CHDH: variants seen among roughly 807,000 people sequenced by gnomAD.
CHDH encodes the protein choline dehydrogenase, mitochondrial.
In CHDH, 43 loss-of-function variants were observed where a neutral mutation model predicts 56.9. The observed-to-expected ratio is 0.76, with a 90% CI of 0.59 to 0.97. CHDH has a LOEUF of 0.97. CHDH is among the 50% of genes least tolerant of loss of function. The pLI is 0.00. For missense variants in CHDH, 816 were observed against 821.1 expected (o/e 0.99, Z 0.08); for synonymous variants, 364 against 348.5 (o/e 1.04, Z -0.50).
chr3:53,827,008 G>A (rs1175820115), intron 2 of CHDH, among the ~76,000 whole-genome samples: 1 of 152,130 alleles, frequency 6.6e-6, no homozygotes, highest in Admixed American at 6.5e-5. Flanking sequence ...CCCCAGGCTG[G>A]GTGCAGTGGC....
At chr3:53,818,512 C>T (rs2095619955) in intron 8 of CHDH, among the ~76,000 whole-genome samples, 1 of 152,216 alleles carries the variant, frequency 6.6e-6, no homozygotes. Flanking sequence ...GGGCTGTGAG[C>T]ACCCTGCAGC....
chr3:53,823,531 A>G lies in CHDH; in HGVS notation c.478T>C (p.Tyr160His). Reference sequence around the variant, plus strand: ...CGGAAGTAGGGCAGGCAGTGCGCGTAGTCCCAGCCGCGGGCGCCCTGGCGC... The same window carrying G: ...CGGAAGTAGGGCAGGCAGTGCGCGTGGTCCCAGCCGCGGGCGCCCTGGCGC... ...WQRQGARGWD[Y>H]AHCLPYFRKA... Residue 160 changes from tyrosine (Y) to histidine (H), a missense_variant, in exon 3 of 9, where the codon TAC becomes CAC. Physicochemically the swap from Tyr to His is moderately conservative, Grantham distance 83. Transcript: ENST00000315251. 6.5e-7 allele frequency: 1 copy of G among 1,542,532 alleles called. No homozygotes were observed. The highest frequency in any genetic ancestry group is 8.7e-7 in the Non-Finnish European group (1 of 1,146,054).
chr3:53,817,807 G>C lies in CHDH; in HGVS notation c.1755C>G (p.Tyr585Ter). The stretch of plus-strand genomic sequence containing the variant: ...GCTGGGTGGCCAGCGTCCTGGGCTT[G>C]TAGACAGGGACATCTTTGTCCCAGA... ...PALWDKDVPVYKPRTLATQR is the reference protein window; with the variant it reads ...PALWDKDVPV The change falls in exon 9 of 9, where the codon TAC becomes TAG. Residue 585 changes from tyrosine (Y) to a stop codon, truncating the protein, a stop_gained. Transcript: ENST00000315251. LOFTEE classifies it high-confidence loss of function. The C allele has an allele frequency of 1.2e-6, 2 of 1,612,248 alleles. No homozygotes were observed.
At chr3:53,827,770 C>T (rs1325512453) in intron 2 of CHDH, among the ~76,000 whole-genome samples, 5 of 152,156 alleles carry the variant, frequency 3.3e-5, no homozygotes, top group Non-Finnish European at 5.9e-5. Flanking sequence ...ATTTCATGTT[C>T]GCAAATTGGA....
rs2106959812 is a variant in CHDH, at chr3:53,821,692, C to T, written c.940G>A (p.Asp314Asn). The change falls in exon 5 of 9, where the codon GAT (aspartate) becomes AAT (asparagine). Residue 314 changes from aspartate (D) to asparagine (N), a missense_variant. By Grantham distance (23) the Asp-to-Asn change is conservative (BLOSUM62 1). Transcript: ENST00000315251. ...LLMLSGIGNA[D>N]DLKKLGIPVV... ...GGGATGCCCAGTTTCTTGAGGTCAT[C>T]AGCATTCCCGATGCCAGAGAGCATG... is the stretch of plus-strand genomic sequence containing the variant. 1 of 1,614,058 alleles carries T rather than the reference C, an allele frequency of 6.2e-7. No individual in the cohort carries two copies.
chr3:53,824,955 G>T (rs866289212), intron 2 of CHDH, among the ~76,000 whole-genome samples: 6 of 152,320 alleles, frequency 3.9e-5, no homozygotes, highest in Middle Eastern at 3.4e-3. Flanking sequence ...AGTAACAGCA[G>T]CCTACCACTG....
Position 53,823,911 on chromosome 3 carries a change from G to A in CHDH, c.98C>T (p.Ala33Val). 1 of 1,559,928 alleles carries A rather than the reference G, an allele frequency of 6.4e-7. No individual in the cohort carries two copies. Among genetic ancestry groups the A allele is most frequent in the Admixed American group, 1.9e-5 (1 of 53,830 alleles). ...GTACTCGTCCCGGCTCTCAGAGCCT[G>A]CGCTGGCCAGGGCCCGGGCACCCAG... ...QSLGARALAS[A>V]GSESRDEYSY... is the part of the protein sequence containing the mutation. Residue 33 changes from alanine (A) to valine (V), a missense_variant, in exon 3 of 9, where the codon GCA becomes GTA. Transcript: ENST00000315251.
chr3:53,824,993 C>G (rs80284398), intron 2 of CHDH, among the ~76,000 whole-genome samples: 1 of 152,186 alleles, frequency 6.6e-6, no homozygotes, highest in South Asian at 2.1e-4. Context: ...CTCCTCCTCC[C>G]GTCCACCGTT....
Position 53,846,167 on chromosome 3 carries a change from CT to C in CHDH, c.-216del. ...GCGGCCCGGCCCCTGCCCCGCGGCA[CT>C]TTAACCGGCGGCGCCGGCGCCCCGC... On this transcript the variant is annotated 5_prime_UTR_variant, in exon 1 of 9. Transcript: ENST00000315251. The C allele has an allele frequency of 6.2e-6, 1 of 160,716 alleles. No homozygotes were observed. The allele number at this position is 160,716 out of a possible 1,614,324, so 10.0% of individuals were successfully genotyped here.
rs2095615821 is a variant in CHDH at position 53,816,204 on chromosome 3, A to C, written c.*1573T>G. The C allele has an allele frequency of 2.5e-5, 3 of 121,580 alleles. No individual in the cohort carries two copies. The highest frequency in any genetic ancestry group is 3.3e-5 in the African/African-American group (1 of 30,740). 7.5% of individuals were successfully genotyped at this position (121,580 alleles called of 1,614,324 possible). ...ATCCGAGCAAAGCCTGGAATCCCCC[A>C]ATTTCCTCCCGTCCTTATTCTGGGC... On this transcript the variant is annotated 3_prime_UTR_variant, in exon 9 of 9. Transcript: ENST00000315251.
chr3:53,828,467 CA>C (rs1201806041), intron 2 of CHDH, among the ~76,000 whole-genome samples: 1 of 152,166 alleles, frequency 6.6e-6, no homozygotes, highest in Admixed American at 6.5e-5. Context: ...ATAGACAAGT[CA>C]CAGACGAGAA....
At chr3:53,826,331 C>T (rs2095639041) in intron 2 of CHDH, among the ~76,000 whole-genome samples, 1 of 151,116 alleles carries the variant, frequency 6.6e-6, no homozygotes, top group African/African-American at 2.4e-5. Flanking sequence ...AAAAAAACCA[C>T]TACAGACCAA....
intron 2 of CHDH, among the ~76,000 whole-genome samples, chr3:53,833,546 C>T (rs1698405355): frequency 6.6e-6 from 1 of 152,166 alleles, no homozygotes. Flanking sequence ...CTGGCATTGG[C>T]AGGATGGAAG....
rs369014867 is a variant in CHDH at position 53,845,094 on chromosome 3, G to C, written c.-131+989C>G. 5.9e-5 allele frequency among the ~76,000 whole-genome samples: 9 copies of C among 152,374 alleles called. No homozygotes were observed. The South Asian group carries it at 1.9e-3, about 32-fold the overall frequency. On this transcript the variant is annotated intron_variant, in intron 1 of 8. Coordinates refer to ENST00000315251, the MANE Select transcript of CHDH (RefSeq NM_018397.5). ...GTTCTCAAGGGCCACAGGGCCCAAA[G>C]CAACTCAGAGAGGTGGAATGAGGGG...
chr3:53,821,549 C>A, intron 5 of CHDH, 98 bp downstream of exon 5: 1 of 1,086,892 alleles, frequency 9.2e-7, no homozygotes, highest in Non-Finnish European at 1.4e-6. Flanking sequence ...GGATCACTGA[C>A]TGCCACCACC....
chr3:53,818,205 A>G lies in CHDH; in HGVS notation c.1367-10T>C. 1 of 1,587,842 alleles carries G rather than the reference A, an allele frequency of 6.3e-7. No homozygotes were observed. The highest frequency in any genetic ancestry group is 8.6e-7 in the Non-Finnish European group (1 of 1,168,522). On this transcript the variant is annotated splice_polypyrimidine_tract_variant and intron_variant, in intron 8 of 8. Coordinates refer to ENST00000315251, the MANE Select transcript of CHDH (RefSeq NM_018397.5). ...TCCTCAATATCAGTTTCTGTCGAGG[A>G]GAAGAAACAGGTGAGGACCCCTCCT...
Position 53,818,072 on chromosome 3 carries a change from T to C in CHDH, c.1490A>G (p.Glu497Gly). The change falls in exon 9 of 9, where the codon GAG (glutamate) becomes GGG (glycine). Residue 497 changes from glutamate to glycine, a missense_variant. Coordinates refer to ENST00000315251, the MANE Select transcript of CHDH (RefSeq NM_018397.5). ...TTTTGCCCGCACAAAGGCATCTATC[T>C]CTTTATCTGACTGAATGTGGCTTCC... ...QPGSHIQSDK[E>G]IDAFVRAKAD... 6.2e-7 allele frequency: 1 copy of C among 1,614,222 alleles called. No individual in the cohort carries two copies. Among genetic ancestry groups the C allele is most frequent in the Non-Finnish European group, 8.5e-7 (1 of 1,180,044 alleles).
At position 53,814,632 on chromosome 3, in the gene CHDH, G is replaced by A. The variant is rs573872251; in HGVS notation, c.*3145C>T. ...AAGCATGAAACCACTTCTGAGTGGC[G>A]GGACATGGTTGGGTGGAGAAGAATC... On this transcript the variant is annotated 3_prime_UTR_variant, in exon 9 of 9. Coordinates refer to ENST00000315251, the MANE Select transcript of CHDH (RefSeq NM_018397.5). 3 of 152,180 alleles carry A rather than the reference G, an allele frequency of 2.0e-5. No individual in the cohort carries two copies. Among genetic ancestry groups the A allele is most frequent in the South Asian group, 2.1e-4 (1 of 4,820 alleles). 9.4% of individuals were successfully genotyped at this position (152,180 alleles called of 1,614,324 possible).
chr3:53,842,715 A>G (rs1309584604), intron 1 of CHDH, among the ~76,000 whole-genome samples: 2 of 152,196 alleles, frequency 1.3e-5, no homozygotes, highest in East Asian at 3.9e-4. Flanking sequence ...TAGAGCAGAG[A>G]AAATGTGTTT....
Sources: allele counts gnomAD v4.1 joint callset (sites outside exome capture counted in the v4.1 genomes callset), GRCh38; gene constraint gnomAD v4.1.1; transcripts MANE v1.5; gene names NCBI Gene and HGNC (gene_info 2026-07-23, HGNC 2026-07-21).